Variants in ALDH1L2 observed in about 807,000 individuals in gnomAD.
The protein encoded by ALDH1L2 is mitochondrial 10-formyltetrahydrofolate dehydrogenase.
A neutral mutation model predicts 111.0 loss-of-function variants in ALDH1L2; 91 were observed. That is an observed-to-expected ratio of 0.82 (90% confidence interval 0.69 to 0.98). The LOEUF is 0.98. ALDH1L2 is among the 50% of genes least tolerant of loss of function. The pLI is 0.00. For synonymous variants in ALDH1L2, 374 were observed against 392.6 expected (o/e 0.95, Z 0.56); for missense variants, 995 against 1,126.8 (o/e 0.88, Z 1.67).
At chr12:105,055,157 C>T (rs998089814) in intron 10 of ALDH1L2, among the ~76,000 whole-genome samples, 1 of 152,104 alleles carries the variant, frequency 6.6e-6, no homozygotes, top group African/African-American at 2.4e-5. Flanking sequence ...AGGCTCTGTG[C>T]AGGCAGGAAG....
intron 15 of ALDH1L2, among the ~76,000 whole-genome samples, chr12:105,042,407 T>C (rs1343675495): frequency 2.0e-5 from 3 of 151,804 alleles, no homozygotes; most frequent in African/African-American, 7.3e-5. Flanking sequence ...TTTGGGTTTT[T>C]TTGTTGTTGT....
Position 105,024,082 on chromosome 12 carries a change from A to G in ALDH1L2, c.*342T>C. The G allele has an allele frequency of 3.1e-6, 1 of 324,744 alleles. No homozygotes were observed. The highest frequency in any genetic ancestry group is 5.7e-6 in the Non-Finnish European group (1 of 176,860). The allele number at this position is 324,744 out of a possible 1,614,324, so 20.1% of individuals were successfully genotyped here. A position where few individuals can be genotyped will look rare whatever the true frequency, so the allele number is the denominator to read the frequency against. On this transcript the variant is annotated 3_prime_UTR_variant, in exon 23 of 23. Transcript: ENST00000258494. Reference sequence around the variant, plus strand: ...CTGTACATATTATACAAAGTTTCCAATAAATGCACCTTGTGTATTATAACT... The same window carrying G: ...CTGTACATATTATACAAAGTTTCCAGTAAATGCACCTTGTGTATTATAACT...
Position 105,052,165 on chromosome 12 carries a change from GCTA to G in ALDH1L2, c.1457_1459del (p.Val486del), listed in dbSNP as rs773523980. 1.2e-6 allele frequency: 2 copies of G among 1,611,794 alleles called. No individual in the cohort carries two copies. The highest frequency in any genetic ancestry group is 3.3e-5 in the Admixed American group (2 of 59,882). ...GTTTTCAAAAGCATCTTTTGCTGCTGCTACTGCTTTATCAACATCCGCCAAAGA... is the reference window on the plus strand; with the variant it reads ...GTTTTCAAAAGCATCTTTTGCTGCTGCTGCTTTATCAACATCCGCCAAAGA... On this transcript the variant is annotated inframe_deletion, in exon 12 of 23. Coordinates refer to ENST00000258494, the MANE Select transcript of ALDH1L2 (RefSeq NM_001034173.4).
At chr12:105,081,417 G>A (rs1329510502) in intron 1 of ALDH1L2, among the ~76,000 whole-genome samples, 1 of 152,114 alleles carries the variant, frequency 6.6e-6, no homozygotes. Context: ...GCAGGTACTT[G>A]GTTCCAAAGA....
chr12:105,061,194 G>GAGT, intron 8 of ALDH1L2, 122 bp from the exon 9 acceptor site: 1 of 836,442 alleles, frequency 1.2e-6, no homozygotes, highest in Non-Finnish European at 1.9e-6. Flanking sequence ...ACATACAGCT[G>GAGT]GATCACATTT....
chr12:105,050,810 C>A, intron 12 of ALDH1L2: 2 of 336,486 alleles, frequency 5.9e-6, no homozygotes, highest in Non-Finnish European at 1.2e-5. Context: ...TCTCATGAGA[C>A]TTATATACTT....
intron 6 of ALDH1L2, among the ~76,000 whole-genome samples, chr12:105,064,721 G>A (rs759993484): frequency 5.9e-5 from 9 of 152,156 alleles, no homozygotes; most frequent in Non-Finnish European, 1.2e-4. Context: ...AAACCTCCCC[G>A]AAGAGGTGAA....
chr12:105,056,586 T>G (rs889111578), intron 10 of ALDH1L2, among the ~76,000 whole-genome samples: 2 of 151,802 alleles, frequency 1.3e-5, no homozygotes, highest in African/African-American at 4.8e-5. Context: ...AAACTGTTGG[T>G]GGGCTCATGA....
intron 11 of ALDH1L2, among the ~76,000 whole-genome samples, chr12:105,052,605 A>C (rs547210257): frequency 1.3e-5 from 2 of 152,314 alleles, no homozygotes; most frequent in South Asian, 4.1e-4. Context: ...ATTTATCATA[A>C]ATGTTCTATA....
intron 22 of ALDH1L2, among the ~76,000 whole-genome samples, chr12:105,026,100 G>GT (rs911876864): frequency 3.9e-5 from 6 of 152,184 alleles, no homozygotes; most frequent in Admixed American, 3.9e-4. Flanking sequence ...CAATTGCAGG[G>GT]TTTTTTCAGT....
chr12:105,056,524 A>AT (rs1565962801), intron 10 of ALDH1L2, among the ~76,000 whole-genome samples: 2 of 152,196 alleles, frequency 1.3e-5, no homozygotes, highest in African/African-American at 2.4e-5. Flanking sequence ...GTATAAATAT[A>AT]TTTTTTAACT....
chr12:105,050,851 C>T (rs1361701244), intron 12 of ALDH1L2: 11 of 250,334 alleles, frequency 4.4e-5, no homozygotes, highest in African/African-American at 7.0e-5. Flanking sequence ...AGACTTGCCC[C>T]CATGATTCAG....
intron 5 of ALDH1L2, 93 bp from the exon 6 acceptor site, chr12:105,065,449 G>A: frequency 9.8e-7 from 1 of 1,020,774 alleles, no homozygotes; most frequent in Non-Finnish European, 1.5e-6. Context: ...AGAAACACTT[G>A]TTATTGGGAA....
intron 17 of ALDH1L2, among the ~76,000 whole-genome samples, chr12:105,039,095 C>G (rs749795645): frequency 1.3e-5 from 2 of 152,172 alleles, no homozygotes; most frequent in Non-Finnish European, 2.9e-5. Context: ...TTTTGATATA[C>G]TACCTATTTG....
chr12:105,058,123 C>T lies in ALDH1L2; in HGVS notation c.1237G>A (p.Val413Met), dbSNP rs150051317. 118 of 1,613,546 alleles carry T rather than the reference C, an allele frequency of 7.3e-5. No individual in the cohort carries two copies. Among genetic ancestry groups the T allele is most frequent in the Non-Finnish European group, 8.8e-5 (104 of 1,179,844 alleles). The change falls in exon 10 of 23, where the codon GTG (valine) becomes ATG (methionine). Residue 413 changes from valine (V) to methionine (M), a missense_variant. Physicochemically the swap from Val to Met is conservative, Grantham distance 21. Coordinates refer to ENST00000258494, the MANE Select transcript of ALDH1L2 (RefSeq NM_001034173.4). ...TKFEGFIQKVVRKLRGEDQEV... is the reference protein window; with the variant it reads ...TKFEGFIQKVMRKLRGEDQEV... ...TGATCTTCTCCTCTCAGTTTCCTCACGACCTTTTGGATAAAGCCTTCAAAC... is the reference window on the plus strand; with the variant it reads ...TGATCTTCTCCTCTCAGTTTCCTCATGACCTTTTGGATAAAGCCTTCAAAC...
intron 18 of ALDH1L2, among the ~76,000 whole-genome samples, chr12:105,036,511 A>ATT (rs1366084674): frequency 1.1e-4 from 5 of 46,432 alleles, no homozygotes; most frequent in Admixed American, 6.4e-4. Context: ...GTATATATAT[A>ATT]TTTTATATAT....
At chr12:105,041,586 G>A (rs1474396874) in intron 15 of ALDH1L2, among the ~76,000 whole-genome samples, 2 of 152,134 alleles carry the variant, frequency 1.3e-5, no homozygotes, top group Non-Finnish European at 2.9e-5. Context: ...ACTAGTTTTA[G>A]TGTCCATGGA....
intron 21 of ALDH1L2, 41 bp from the exon 22 acceptor site, chr12:105,026,785 G>A (rs768606210): frequency 4.4e-6 from 7 of 1,601,788 alleles, no homozygotes; most frequent in African/African-American, 4.0e-5. Flanking sequence ...TAAATGTAAA[G>A]CAAAAGACTC....
In ALDH1L2 at chr12:105,070,556, A is replaced by G; in HGVS notation, c.428+14T>C. On this transcript the variant is annotated intron_variant, in intron 3 of 22. Coordinates refer to ENST00000258494, the MANE Select transcript of ALDH1L2 (RefSeq NM_001034173.4). ...CCCATCTCAAAAAAAAAAAGTAAAA[A>G]GAAAAAATCTCACCAATTGATAGCA... 1.3e-6 allele frequency: 2 copies of G among 1,585,700 alleles called. No individual in the cohort carries two copies. The highest frequency in any genetic ancestry group is 2.2e-5 in the East Asian group (1 of 44,772).
Sources: allele counts gnomAD v4.1 joint callset (sites outside exome capture counted in the v4.1 genomes callset), GRCh38; gene constraint gnomAD v4.1.1; transcripts MANE v1.5; gene names NCBI Gene and HGNC (gene_info 2026-07-23, HGNC 2026-07-21).